The following PDS5A variants were observed in gnomAD, a reference collection of about 807,000 sequenced individuals.
PDS5A encodes PDS5 cohesin associated factor A, also known as sister chromatid cohesion protein PDS5 homolog A.
Under a neutral mutation model 167.1 loss-of-function variants are expected in PDS5A, and 42 were observed. That is an observed-to-expected ratio of 0.25 (90% CI 0.20 to 0.33). The LOEUF (loss-of-function observed/expected upper bound fraction) is 0.33. Ranked by LOEUF, PDS5A falls within the 10% of genes least tolerant of loss-of-function variation. The probability of loss-of-function intolerance (pLI) is 1.00; values close to 1 mark genes in which losing one functional copy is unlikely to be tolerated. For missense variants in PDS5A, 1,033 were observed against 1,605.9 expected (o/e 0.64, Z 6.10); for synonymous variants, 553 against 554.6 (o/e 1.00, Z 0.04).
intron 16 of PDS5A, among the ~76,000 whole-genome samples, chr4:39,896,739 C>A (rs1444539363): frequency 2.0e-5 from 3 of 150,736 alleles, no homozygotes; most frequent in African/African-American, 7.3e-5. Flanking sequence ...GAACTCCAGT[C>A]TGGGTGACAG....
chr4:39,838,159 C>G lies in PDS5A; in HGVS notation c.3707G>C (p.Gly1236Ala). The G allele has an allele frequency of 6.2e-7, 1 of 1,612,862 alleles. No homozygotes were observed. Among genetic ancestry groups the G allele is most frequent in the Non-Finnish European group, 8.5e-7 (1 of 1,179,450 alleles). Residue 1236 changes from glycine to alanine, a missense_variant, in exon 32 of 33, where the codon GGA (glycine) becomes GCA (alanine). Coordinates refer to ENST00000303538, the MANE Select transcript of PDS5A (RefSeq NM_001100399.2). ...ATQGNISSDR[G>A]KKRTVTAAGA... is the part of the protein sequence containing the mutation. ...AGCTGCTGTTACTGTTCTTTTCTTTCCTCGGTCACTGCTGATGTTGCCCTG... is the reference window on the plus strand; with the variant it reads ...AGCTGCTGTTACTGTTCTTTTCTTTGCTCGGTCACTGCTGATGTTGCCCTG...
At chr4:39,874,433 GTT>G in intron 19 of PDS5A, 21 bp from the exon 20 acceptor site, 2 of 1,561,876 alleles carry the variant, frequency 1.3e-6, no homozygotes, top group Non-Finnish European at 8.7e-7. Context: ...TAATATAGTT[GTT>G]TTTTTTTCTT....
intron 2 of PDS5A, among the ~76,000 whole-genome samples, chr4:39,944,307 G>A (rs957730698): frequency 9.2e-5 from 14 of 151,998 alleles, no homozygotes; most frequent in African/African-American, 2.9e-4. Context: ...AAAATTACCT[G>A]GATACTGACT....
At position 39,848,925 on chromosome 4, in the gene PDS5A, T is replaced by C; in HGVS notation, c.3265A>G (p.Lys1089Glu). 1 of 1,605,210 alleles carries C rather than the reference T, an allele frequency of 6.2e-7. No homozygotes were observed. The highest frequency in any genetic ancestry group is 8.5e-7 in the Non-Finnish European group (1 of 1,173,742). ...GAATCTGCATTGCACAAAGCACTTT[T>C]ACTATTTATAACACAGAGAGCCACA... ...CDVALCVINS[K>E]SALCNADSPK... The change falls in exon 28 of 33, where the codon AAA becomes GAA. Residue 1089 changes from lysine (K) to glutamate (E), a missense_variant. By Grantham distance (56) the Lys-to-Glu change is moderately conservative. Transcript: ENST00000303538.
At chr4:39,953,002 T>C (rs566342207) in intron 2 of PDS5A, among the ~76,000 whole-genome samples, 49 of 152,304 alleles carry the variant, frequency 3.2e-4, no homozygotes, top group Non-Finnish European at 6.3e-4. Flanking sequence ...GTGCTGGGAT[T>C]ACAGGCATGA....
At chr4:39,938,528 G>A (rs191875310) in intron 2 of PDS5A, among the ~76,000 whole-genome samples, 15 of 151,562 alleles carry the variant, frequency 9.9e-5, no homozygotes, top group South Asian at 2.1e-4. Context: ...CACTCCAGCC[G>A]GGGTGACAGA....
intron 17 of PDS5A, among the ~76,000 whole-genome samples, chr4:39,886,840 T>G (rs1721520795): frequency 6.6e-6 from 1 of 152,192 alleles, no homozygotes; most frequent in Non-Finnish European, 1.5e-5. Flanking sequence ...GATCTTTCAC[T>G]TATTTGCTTA....
At position 39,838,075 on chromosome 4, in the gene PDS5A, G is replaced by A. The variant is rs764522553; in HGVS notation, c.3791C>T (p.Ala1264Val). 2.3e-4 allele frequency: 370 copies of A among 1,613,862 alleles called. 1 individual carries two copies. The highest frequency in any genetic ancestry group is 3.1e-4 in the Non-Finnish European group (360 of 1,179,882). ...ACGTCCTCTCCTGGGTTTGGAAGGG[G>A]CGGGAGGTCCCGATTCATCTACTTT... ...DEKVDESGPP[A>V]PSKPRRGRRP... is the part of the protein sequence containing the mutation. The change falls in exon 32 of 33, where the codon GCC (alanine) becomes GTC (valine). Residue 1264 changes from alanine to valine, a missense_variant. Physicochemically the swap from Ala to Val is moderately conservative, Grantham distance 64. Coordinates refer to ENST00000303538, the MANE Select transcript of PDS5A (RefSeq NM_001100399.2).
At chr4:39,939,173 G>C (rs1726976215) in intron 2 of PDS5A, among the ~76,000 whole-genome samples, 1 of 152,132 alleles carries the variant, frequency 6.6e-6, no homozygotes, top group South Asian at 2.1e-4. Context: ...CTATGGCTGA[G>C]CTATAGTTGT....
rs1027020905 is a variant in PDS5A, at chr4:39,922,125, TAG to T, written c.654+495_654+496del. Among the ~76,000 whole-genome samples the T allele has an allele frequency of 3.4e-4, 51 of 152,168 alleles. 1 individual carries two copies. The highest frequency in any genetic ancestry group is 1.1e-3 in the African/African-American group (47 of 41,526). ...CTTAGGAGGATCTGGTGGAGATAAATAGAAAAAGGAAACAGGGAAGAATGATA... is the reference window on the plus strand; with the variant it reads ...CTTAGGAGGATCTGGTGGAGATAAATAAAAAGGAAACAGGGAAGAATGATA... On this transcript the variant is annotated intron_variant, in intron 6 of 32. Coordinates refer to ENST00000303538, the MANE Select transcript of PDS5A (RefSeq NM_001100399.2).
rs540209026 is a variant in PDS5A, at chr4:39,945,388, G to A, written c.139-17224C>T. On this transcript the variant is annotated intron_variant, in intron 2 of 32. Coordinates refer to ENST00000303538, the MANE Select transcript of PDS5A (RefSeq NM_001100399.2). ...AGGCAGGAGAATGGCATGAACCCGG[G>A]AAGTGGAGCTTGCAGTGAGCAGAGA... Among the ~76,000 whole-genome samples the A allele has an allele frequency of 1.9e-4, 28 of 148,924 alleles. No homozygotes were observed. In the South Asian group the frequency reaches 5.7e-3, roughly 31 times the overall value.
At chr4:39,910,700 A>G (rs908081865) in intron 9 of PDS5A, among the ~76,000 whole-genome samples, 2 of 152,194 alleles carry the variant, frequency 1.3e-5, no homozygotes, top group African/African-American at 4.8e-5. Flanking sequence ...TTGAAGAATA[A>G]GTTTATAGGA....
chr4:39,888,119 T>C (rs1721640058), intron 17 of PDS5A, among the ~76,000 whole-genome samples: 1 of 151,542 alleles, frequency 6.6e-6, no homozygotes, highest in South Asian at 2.1e-4. Flanking sequence ...CATGGTGGCA[T>C]GCACCTGTAG....
At position 39,911,721 on chromosome 4, in the gene PDS5A, G is replaced by A. The variant is rs569677268; in HGVS notation, c.993-1383C>T. Among the ~76,000 whole-genome samples, 609 of 151,290 alleles carry A rather than the reference G, an allele frequency of 4.0e-3. 3 individuals are homozygous for A. The Middle Eastern group carries it at 0.041, about 10-fold the overall frequency. On this transcript the variant is annotated intron_variant, in intron 9 of 32. Coordinates refer to ENST00000303538, the MANE Select transcript of PDS5A (RefSeq NM_001100399.2). ...CTGGCGGGCGCCTGTAGTCCCAGCT[G>A]TTTGGGAGGCTGAGGCAGGAGAATG...
intron 6 of PDS5A, among the ~76,000 whole-genome samples, chr4:39,922,341 C>A (rs1383978947): frequency 2.0e-5 from 3 of 152,060 alleles, no homozygotes; most frequent in East Asian, 1.9e-4. Context: ...AAAGGCAACA[C>A]CCCTAACCCC....
intron 26 of PDS5A, among the ~76,000 whole-genome samples, chr4:39,852,780 T>G (rs1718225636): frequency 6.6e-6 from 1 of 152,146 alleles, no homozygotes; most frequent in South Asian, 2.1e-4. Flanking sequence ...CTATGTTCCT[T>G]GCGTTGATTT....
chr4:39,851,327 G>C (rs1160464983), intron 26 of PDS5A, among the ~76,000 whole-genome samples: 1 of 150,686 alleles, frequency 6.6e-6, no homozygotes, highest in Admixed American at 6.6e-5. Flanking sequence ...TTGAGACAGA[G>C]TCTTGCTTGC....
intron 2 of PDS5A, among the ~76,000 whole-genome samples, chr4:39,967,649 AAAAT>A (rs1309563250): frequency 1.3e-5 from 2 of 151,940 alleles, no homozygotes; most frequent in African/African-American, 2.4e-5. Flanking sequence ...TCCATCTCAA[AAAAT>A]AAATAAATAA....
chr4:39,934,673 C>T (rs1362302164), intron 2 of PDS5A, among the ~76,000 whole-genome samples: 1 of 148,038 alleles, frequency 6.8e-6, no homozygotes, highest in Non-Finnish European at 1.5e-5. Context: ...TTTTTTTGCC[C>T]ACAGCTAGGT....
Sources: gnomAD v4.1 joint callset for allele counts (sites outside exome capture counted in the v4.1 genomes callset) on GRCh38, gnomAD v4.1.1 for gene constraint, MANE v1.5 for transcripts, NCBI Gene and HGNC (gene_info 2026-07-23, HGNC 2026-07-21) for gene names.